The following RPL6 variants were observed in gnomAD, a reference collection of about 807,000 sequenced individuals.
RPL6 encodes the protein large ribosomal subunit protein eL6.
RPL6 carries 1 observed loss-of-function variant against 32.1 expected under a neutral mutation model. The ratio of observed to expected loss-of-function variants is 0.03; its 90% CI spans 0.01 to 0.15. RPL6 has a LOEUF of 0.15. Ranked by LOEUF, RPL6 falls within the 10% of genes least tolerant of loss-of-function variation. The pLI is 1.00. For synonymous variants in RPL6, 126 were observed against 131.6 expected, an observed-to-expected ratio of 0.96 and a Z score of 0.29; for missense variants, 275 against 354.6, an observed-to-expected ratio of 0.78 and a Z score of 1.80.
chr12:112,408,717 A>G (rs1451799980), intron 1 of RPL6, 61 bp from the exon 2 acceptor site: 46 of 1,416,974 alleles, frequency 3.2e-5, no homozygotes, highest in Non-Finnish European at 4.2e-5. Flanking sequence ...CTAACAAGAC[A>G]ATAATGAACC....
intron 1 of RPL6, chr12:112,409,110 G>A: frequency 4.0e-6 from 1 of 248,780 alleles, no homozygotes; most frequent in Non-Finnish European, 7.5e-6. Context: ...AGGAATTGCG[G>A]ACACAAACGG....
intron 4 of RPL6, 43 bp downstream of exon 4, chr12:112,406,704 C>T (rs1303650488): frequency 6.2e-7 from 1 of 1,609,176 alleles, no homozygotes. Flanking sequence ...ACCAGGCACC[C>T]CAGGCAGCTG....
intron 1 of RPL6, 43 bp downstream of exon 1, chr12:112,409,544 G>A (rs572362867): frequency 1.3e-5 from 5 of 398,502 alleles, no homozygotes; most frequent in East Asian, 3.6e-5. Flanking sequence ...GAAGGATTGG[G>A]AGTCCTGAAC....
intron 1 of RPL6, among the ~76,000 whole-genome samples, chr12:112,417,898 T>G (rs2037440325): frequency 6.6e-6 from 1 of 151,992 alleles, no homozygotes; most frequent in Non-Finnish European, 1.5e-5. Flanking sequence ...ACTCAAGCGA[T>G]TCGCCCGCCT....
intron 5 of RPL6, 80 bp from the exon 6 acceptor site, chr12:112,406,117 G>T: frequency 3.0e-6 from 4 of 1,343,626 alleles, no homozygotes; most frequent in Non-Finnish European, 4.2e-6. Context: ...TACTTGTTAT[G>T]TTGCTACACA....
intron 3 of RPL6, 140 bp downstream of exon 3, chr12:112,408,100 C>T (rs1811485937): frequency 1.6e-6 from 1 of 642,894 alleles, no homozygotes; most frequent in Non-Finnish European, 2.7e-6. Flanking sequence ...ATGTTGAAGC[C>T]AAGTTACAAA....
At chr12:112,409,838 C>T (rs2037307871), upstream of RPL6, among the ~76,000 whole-genome samples, 1 of 150,768 alleles carries the variant, frequency 6.6e-6, no homozygotes, top group African/African-American at 2.4e-5. Flanking sequence ...TGGTGAAATC[C>T]CGTCTCTACT....
chr12:112,412,275 G>A (rs1300577353), upstream of RPL6, among the ~76,000 whole-genome samples: 3 of 151,936 alleles, frequency 2.0e-5, no homozygotes, highest in African/African-American at 7.3e-5. Flanking sequence ...TCCTGACCTC[G>A]TGATCTGCCC....
chr12:112,409,097 T>C (rs1261451099), intron 1 of RPL6: 2 of 240,804 alleles, frequency 8.3e-6, no homozygotes, highest in Non-Finnish European at 1.6e-5. Flanking sequence ...AGAAACTCGA[T>C]TTAGGAATTG....
upstream of RPL6, among the ~76,000 whole-genome samples, chr12:112,414,181 A>G (rs914370025): frequency 6.6e-6 from 1 of 152,258 alleles, no homozygotes; most frequent in Non-Finnish European, 1.5e-5. Flanking sequence ...AGAAACAGCT[A>G]GAAGCCTTTA....
chr12:112,407,165 C>G (rs2037196635), intron 3 of RPL6: 2 of 341,310 alleles, frequency 5.9e-6, no homozygotes, highest in East Asian at 6.1e-5. Context: ...TGAGCAAAAA[C>G]TAAACCTCAG....
At chr12:112,405,822 C>G in intron 6 of RPL6, 31 bp downstream of exon 6, 2 of 1,574,480 alleles carry the variant, frequency 1.3e-6, no homozygotes, top group Non-Finnish European at 1.7e-6. Flanking sequence ...AGGGCCAGTG[C>G]TAACACAGGA....
Position 112,406,128 on chromosome 12 carries a change from A to G in RPL6, c.530-91T>C, listed in dbSNP as rs1048964271. On this transcript the variant is annotated intron_variant, in intron 5 of 6. Transcript: ENST00000202773. Reference sequence around the variant, plus strand: ...CCATTACTTGTTATGTTGCTACACAAAGAAGACCACTTGTCTAACCCACTT... The same window carrying G: ...CCATTACTTGTTATGTTGCTACACAGAGAAGACCACTTGTCTAACCCACTT... The G allele has an allele frequency of 5.4e-6, 7 of 1,297,624 alleles. No homozygotes were observed. In the African/African-American group the frequency reaches 7.4e-5, roughly 14 times the overall value. 80.4% of individuals were successfully genotyped at this position (1,297,624 alleles called of 1,614,324 possible).
At position 112,408,668 on chromosome 12, in the gene RPL6, T is replaced by G; in HGVS notation, c.1-12A>C. The stretch of plus-strand genomic sequence containing the variant: ...TTTTCACCCGCCATCTAAAAATATT[T>G]TTTTGTAGATAAAAAAAGGCATTTC... On this transcript the variant is annotated splice_polypyrimidine_tract_variant and intron_variant, in intron 1 of 6. Coordinates refer to ENST00000202773, the MANE Select transcript of RPL6 (RefSeq NM_000970.6). 1 of 1,559,152 alleles carries G rather than the reference T, an allele frequency of 6.4e-7. No homozygotes were observed. The highest frequency in any genetic ancestry group is 8.6e-7 in the Non-Finnish European group (1 of 1,165,230).
At chr12:112,412,413 G>C (rs906491582), upstream of RPL6, among the ~76,000 whole-genome samples, 2 of 151,930 alleles carry the variant, frequency 1.3e-5, no homozygotes, top group African/African-American at 4.8e-5. Context: ...GACCTCAGGT[G>C]ATCTGCTCAC....
intron 1 of RPL6, chr12:112,409,250 G>C (rs1358384191): frequency 1.3e-5 from 5 of 385,396 alleles, no homozygotes; most frequent in Non-Finnish European, 2.3e-5. Flanking sequence ...CAGGCTCAGT[G>C]TCATCCTCTG....
chr12:112,412,801 G>A (rs1400003469), upstream of RPL6, among the ~76,000 whole-genome samples: 5 of 151,932 alleles, frequency 3.3e-5, no homozygotes, highest in South Asian at 6.3e-4. Context: ...GTGCATGCCT[G>A]TAATTCCAGC....
rs2037144251 is a variant in RPL6 at position 112,405,834 on chromosome 12, A to G, written c.714+19T>C. On this transcript the variant is annotated intron_variant, in intron 6 of 6. Transcript: ENST00000202773. ...AGAAGGGCCAGTGCTAACACAGGAGATGACAAGTAGAAACTTACCTCTTTT... is the reference window on the plus strand; with the variant it reads ...AGAAGGGCCAGTGCTAACACAGGAGGTGACAAGTAGAAACTTACCTCTTTT... 6.2e-7 allele frequency: 1 copy of G among 1,600,028 alleles called. No individual in the cohort carries two copies. Among genetic ancestry groups the G allele is most frequent in the East Asian group, 2.2e-5 (1 of 44,766 alleles).
intron 3 of RPL6, 121 bp from the exon 4 acceptor site, chr12:112,407,011 T>C (rs1167878743): frequency 1.0e-6 from 1 of 965,626 alleles, no homozygotes; most frequent in African/African-American, 1.7e-5. Context: ...TGTATTTATA[T>C]GATTCCATTT....
Sources: allele counts gnomAD v4.1 joint callset (sites outside exome capture counted in the v4.1 genomes callset), GRCh38; gene constraint gnomAD v4.1.1; transcripts MANE v1.5; gene names NCBI Gene and HGNC (gene_info 2026-07-23, HGNC 2026-07-21).